Variants in GRID2 observed in about 807,000 individuals in gnomAD.
The protein encoded by GRID2 is glutamate ionotropic receptor delta type subunit 2.
A neutral mutation model predicts 114.8 loss-of-function variants in GRID2; 33 were observed. That is an observed-to-expected ratio of 0.29 (90% CI 0.22 to 0.38). GRID2 has a LOEUF of 0.38. Among genes scored for constraint, GRID2 ranks in the 10% least tolerant of loss-of-function variants. The pLI is 1.00. For missense variants in GRID2, 1,184 were observed against 1,257.7 expected, an observed-to-expected ratio of 0.94 and a Z score of 0.89; for synonymous variants, 505 against 449.9, an observed-to-expected ratio of 1.12 and a Z score of -1.55.
intron 13 of GRID2, among the ~76,000 whole-genome samples, chr4:93,589,827 G>GT (rs1178160536): frequency 2.0e-5 from 3 of 151,936 alleles, no homozygotes; most frequent in Non-Finnish European, 4.4e-5. Context: ...TTTTTCATGT[G>GT]TTTTTTGGCT....
intron 1 of GRID2, among the ~76,000 whole-genome samples, chr4:92,541,127 A>G (rs1174090163): frequency 2.6e-5 from 4 of 151,526 alleles, no homozygotes; most frequent in Admixed American, 1.3e-4. Context: ...AGAACATCAC[A>G]CACTGGGGCC....
At chr4:93,679,521 C>G (rs9760036) in intron 14 of GRID2, among the ~76,000 whole-genome samples, 84,363 of 149,224 alleles carry the variant, frequency 0.57, 26,363 homozygotes, top group African/African-American at 0.81. Flanking sequence ...TGACCACATA[C>G]TTGGAAGTAA....
chr4:92,376,956 G>C (rs895465060), intron 1 of GRID2, among the ~76,000 whole-genome samples: 2 of 152,164 alleles, frequency 1.3e-5, no homozygotes, highest in East Asian at 3.9e-4. Context: ...CTCTGGGCCT[G>C]TGATGGGAGG....
At chr4:92,445,296 C>G (rs976786241) in intron 1 of GRID2, among the ~76,000 whole-genome samples, 12 of 152,250 alleles carry the variant, frequency 7.9e-5, no homozygotes, top group African/African-American at 2.9e-4. Flanking sequence ...TGTCGTGCTG[C>G]TAAACAATTG....
At chr4:92,725,717 ATCT>A (rs1413821152) in intron 2 of GRID2, among the ~76,000 whole-genome samples, 4 of 152,190 alleles carry the variant, frequency 2.6e-5, no homozygotes, top group Admixed American at 6.6e-5. Context: ...TTTTAAGAAA[ATCT>A]TCTGAACAAA....
intron 2 of GRID2, among the ~76,000 whole-genome samples, chr4:92,620,701 G>A (rs967950219): frequency 1.3e-5 from 2 of 151,278 alleles, no homozygotes; most frequent in Admixed American, 6.6e-5. Context: ...AACAAAGGGA[G>A]CCAGATTAGT....
intron 1 of GRID2, among the ~76,000 whole-genome samples, chr4:92,435,450 A>G (rs1732691209): frequency 6.6e-6 from 1 of 152,184 alleles, no homozygotes; most frequent in South Asian, 2.1e-4. Context: ...ATGAGTATTC[A>G]TCTGTCTAGA....
chr4:92,382,241 C>T (rs997213493), intron 1 of GRID2, among the ~76,000 whole-genome samples: 3 of 149,216 alleles, frequency 2.0e-5, no homozygotes, highest in Non-Finnish European at 4.4e-5. Context: ...TAAAGAGGAG[C>T]TGAAAAAAAA....
At chr4:92,475,046 C>A (rs1722229867) in intron 1 of GRID2, among the ~76,000 whole-genome samples, 3 of 149,028 alleles carry the variant, frequency 2.0e-5, no homozygotes, top group Non-Finnish European at 4.4e-5. Flanking sequence ...GTGCAGCACA[C>A]CAGCATGGCA....
chr4:93,562,309 T>C (rs559485816), intron 13 of GRID2, among the ~76,000 whole-genome samples: 3 of 152,126 alleles, frequency 2.0e-5, no homozygotes, highest in South Asian at 2.1e-4. Context: ...AATAATAAGA[T>C]GTCATATGCC....
chr4:92,687,963 G>A (rs553451083), intron 2 of GRID2, among the ~76,000 whole-genome samples: 14 of 150,386 alleles, frequency 9.3e-5, no homozygotes, highest in African/African-American at 3.4e-4. Context: ...GGTTGCTGAA[G>A]GTTGGGGATG....
At chr4:93,411,010 C>G (rs752404153) in intron 9 of GRID2, among the ~76,000 whole-genome samples, 13 of 152,136 alleles carry the variant, frequency 8.5e-5, no homozygotes, top group Non-Finnish European at 1.3e-4. Flanking sequence ...TATTTCCAAC[C>G]CTAGCCTCTC....
At chr4:92,730,829 A>G (rs1393477368) in intron 2 of GRID2, among the ~76,000 whole-genome samples, 6 of 152,018 alleles carry the variant, frequency 3.9e-5, no homozygotes, top group South Asian at 2.1e-4. Flanking sequence ...TGTTAATTCA[A>G]ATCTTTGCAG....
chr4:92,924,546 A>G (rs1749655814), intron 2 of GRID2, among the ~76,000 whole-genome samples: 4 of 152,180 alleles, frequency 2.6e-5, no homozygotes, highest in South Asian at 2.1e-4. Context: ...TTTAAAAATT[A>G]TCTTCCAAAA....
intron 2 of GRID2, among the ~76,000 whole-genome samples, chr4:92,774,921 G>A (rs1560584683): frequency 1.3e-5 from 2 of 151,892 alleles, no homozygotes; most frequent in African/African-American, 4.8e-5. Context: ...TTCTTATTTT[G>A]TTATTTGAAG....
At chr4:92,792,790 G>A (rs1036296283) in intron 2 of GRID2, among the ~76,000 whole-genome samples, 1 of 151,534 alleles carries the variant, frequency 6.6e-6, no homozygotes, top group African/African-American at 2.4e-5. Flanking sequence ...TTTTGAGTGG[G>A]AGTACTAAAC....
At chr4:93,082,435 T>C (rs1729951604) in intron 2 of GRID2, among the ~76,000 whole-genome samples, 1 of 152,264 alleles carries the variant, frequency 6.6e-6, no homozygotes, top group East Asian at 1.9e-4. Flanking sequence ...CAATAAAGGA[T>C]TGGGCCCTCT....
chr4:93,674,085 C>G (rs1042092436), intron 14 of GRID2, among the ~76,000 whole-genome samples: 1 of 152,098 alleles, frequency 6.6e-6, no homozygotes, highest in Non-Finnish European at 1.5e-5. Context: ...AGCTTTGGCT[C>G]TATCTTTCAG....
intron 4 of GRID2, among the ~76,000 whole-genome samples, chr4:93,136,103 T>C (rs1735219240): frequency 6.6e-6 from 1 of 152,128 alleles, no homozygotes; most frequent in African/African-American, 2.4e-5. Flanking sequence ...TATAGATAAA[T>C]AAGCTAATGT....
Sources: gnomAD v4.1 joint callset for allele counts (sites outside exome capture counted in the v4.1 genomes callset) on GRCh38, gnomAD v4.1.1 for gene constraint, MANE v1.5 for transcripts, NCBI Gene and HGNC (gene_info 2026-07-23, HGNC 2026-07-21) for gene names.